Variants in CAMTA2 observed in about 807,000 individuals in gnomAD.
The protein encoded by CAMTA2 is calmodulin binding transcription activator 2.
A neutral mutation model predicts 135.7 loss-of-function variants in CAMTA2; 56 were observed. The observed-to-expected ratio is 0.41, with a 90% CI of 0.33 to 0.52. The LOEUF (loss-of-function observed/expected upper bound fraction) is 0.52. Among genes scored for constraint, CAMTA2 ranks in the 20% least tolerant of loss-of-function variants. The pLI, the probability that CAMTA2 is intolerant of heterozygous loss-of-function variation, is 0.16. For synonymous variants in CAMTA2, 591 were observed against 604.6 expected (o/e 0.98, Z 0.33); for missense variants, 1,358 against 1,553.4 (o/e 0.87, Z 2.11).
At chr17:4,984,795 C>T (rs1026756725) in intron 3 of CAMTA2, among the ~76,000 whole-genome samples, 6 of 149,508 alleles carry the variant, frequency 4.0e-5, no homozygotes, top group African/African-American at 1.2e-4. Context: ...CCGAGATGGG[C>T]GGATCACTAG....
Position 4,967,999 on chromosome 17 carries a change from G to C in CAMTA2, c.*757C>G, listed in dbSNP as rs867291045. ...GCAGACAGAGGCCGGAGGCTGGCTG[G>C]TGCAGCGATGTTTAATGGCAATTCG... On this transcript the variant is annotated 3_prime_UTR_variant, in exon 23 of 23. Transcript: ENST00000348066. 13 of 585,874 alleles carry C rather than the reference G, an allele frequency of 2.2e-5. 1 individual carries two copies. Among genetic ancestry groups the C allele is most frequent in the African/African-American group, 5.6e-5 (3 of 53,538 alleles). 36.3% of individuals were successfully genotyped at this position (585,874 alleles called of 1,614,324 possible). A position where few individuals can be genotyped will look rare whatever the true frequency, so the allele number is the denominator to read the frequency against.
chr17:4,987,364 G>C, intron 1 of CAMTA2: 1 of 1,360,912 alleles, frequency 7.3e-7, no homozygotes, highest in Non-Finnish European at 9.4e-7. Context: ...GACAGTGCAG[G>C]TGCCGGGTGC....
In CAMTA2 at chr17:4,972,215, A is replaced by G; in HGVS notation, c.2808+17T>C. On this transcript the variant is annotated intron_variant, in intron 16 of 22. Transcript: ENST00000348066. ...CTCCACTTCTAGCCCCCATAACTCCATCAATATAAGCAGTACCGGGATCAC... is the reference window on the plus strand; with the variant it reads ...CTCCACTTCTAGCCCCCATAACTCCGTCAATATAAGCAGTACCGGGATCAC... The G allele has an allele frequency of 1.2e-6, 2 of 1,601,994 alleles. No homozygotes were observed. The highest frequency in any genetic ancestry group is 8.5e-7 in the Non-Finnish European group (1 of 1,172,014).
At position 4,969,736 on chromosome 17, in the gene CAMTA2, A is replaced by C; in HGVS notation, c.3190-35T>G. The C allele has an allele frequency of 6.2e-7, 1 of 1,611,934 alleles. No individual in the cohort carries two copies. The highest frequency in any genetic ancestry group is 8.5e-7 in the Non-Finnish European group (1 of 1,178,442). ...GAGAAGTCTCACCACCTCATGACCC[A>C]CATAATGGCATATCTGACTTGTCCC... is the stretch of plus-strand genomic sequence containing the variant. On this transcript the variant is annotated intron_variant, in intron 18 of 22. Coordinates refer to ENST00000348066, the MANE Select transcript of CAMTA2 (RefSeq NM_015099.4). The surrounding 1 kb of genome is among the most constrained non-coding windows in gnomAD (Gnocchi z 5.6).
In CAMTA2 at chr17:4,972,394, G is replaced by C; in HGVS notation, c.2646C>G (p.Gly882=). ...CTTCTGGGACACCAGAGGAAAGCTG[G>C]CCTGGGGCCATGTCCTCCATAGTCA... ...SEMTMEDMAP[G]QLSSGVPEAP... Residue 882 remains glycine, a synonymous_variant, in exon 16 of 23, where the codon GGC becomes GGG. Coordinates refer to ENST00000348066, the MANE Select transcript of CAMTA2 (RefSeq NM_015099.4). 1 of 1,614,124 alleles carries C rather than the reference G, an allele frequency of 6.2e-7. No individual in the cohort carries two copies. The highest frequency in any genetic ancestry group is 8.5e-7 in the Non-Finnish European group (1 of 1,179,988).
intron 10 of CAMTA2, 119 bp downstream of exon 10, chr17:4,978,385 G>C: frequency 9.1e-7 from 1 of 1,092,964 alleles, no homozygotes; most frequent in African/African-American, 1.6e-5. Context: ...ACTGGATGAA[G>C]TCCTTGTGCT....
At chr17:4,985,250 CAT>C (rs769746389) in intron 3 of CAMTA2, among the ~76,000 whole-genome samples, 36 of 152,338 alleles carry the variant, frequency 2.4e-4, no homozygotes, top group Non-Finnish European at 4.6e-4. Flanking sequence ...TCATCAATAA[CAT>C]AGGAGCAATA....
Position 4,973,208 on chromosome 17 carries a change from C to T in CAMTA2, c.2247G>A (p.Pro749=), listed in dbSNP as rs149705832. 6,038 of 1,613,782 alleles carry T rather than the reference C, an allele frequency of 3.7e-3. 19 individuals are homozygous for T. The highest frequency in any genetic ancestry group is 4.0e-3 in the Non-Finnish European group (4,735 of 1,179,930). ...GSLDLEQEVD[P]LNVDHFSCTP... is the part of the protein sequence containing the mutation. ...TGCAAGAGAAATGATCCACGTTGAG[C>T]GGGTCAACCTCCTGCTCTAAGTCCA... is the stretch of plus-strand genomic sequence containing the variant. Residue 749 remains proline, a synonymous_variant, in exon 14 of 23, where the codon CCG becomes CCA. Coordinates refer to ENST00000348066, the MANE Select transcript of CAMTA2 (RefSeq NM_015099.4).
chr17:4,982,233 C>T, intron 5 of CAMTA2, 73 bp from the exon 6 acceptor site: 1 of 1,058,618 alleles, frequency 9.4e-7, no homozygotes, highest in Non-Finnish European at 1.5e-6. Context: ...AGTCCCTTTG[C>T]AGGAATCCCA....
Position 4,972,308 on chromosome 17 carries a change from G to C in CAMTA2, c.2732C>G (p.Pro911Arg). The C allele has an allele frequency of 6.8e-6, 11 of 1,613,944 alleles. No homozygotes were observed. Among genetic ancestry groups the C allele is most frequent in the Non-Finnish European group, 9.3e-6 (11 of 1,179,916 alleles). ...ATCATCTGAAGCTGGTGGGAGGGCA[G>C]GAAGGGAGGAGAGGGGCCCCTTGGA... ...TNSKGPLSSL[P>R]ALPPASDDGA... Residue 911 changes from proline (P) to arginine (R), a missense_variant, in exon 16 of 23, where the codon CCT becomes CGT. By Grantham distance (103) the Pro-to-Arg change is moderately radical (BLOSUM62 -2). Transcript: ENST00000348066.
At chr17:4,987,338 C>T (rs1973418553) in intron 1 of CAMTA2, 7 of 1,344,736 alleles carry the variant, frequency 5.2e-6, no homozygotes, top group Non-Finnish European at 6.6e-6. Context: ...AGTCCGCGGG[C>T]ACGCGGTGGG....
chr17:4,986,956 C>G (rs1380940854), intron 1 of CAMTA2: 9 of 1,515,000 alleles, frequency 5.9e-6, no homozygotes, highest in Non-Finnish European at 7.9e-6. Flanking sequence ...TAGCCTACCC[C>G]ATCTACCGCT....
rs1408451434 is a variant in CAMTA2 at position 4,970,485 on chromosome 17, T to G, written c.2860A>C (p.Ile954Leu). The change falls in exon 17 of 23, where the codon ATT becomes CTT. Residue 954 changes from isoleucine to leucine, a missense_variant. Ile to Leu is a conservative substitution (Grantham distance 5). Coordinates refer to ENST00000348066, the MANE Select transcript of CAMTA2 (RefSeq NM_015099.4). ...AGCCCCACGAAGTCCTCTCGTTTAA[T>G]CCGCTCCGGTGTGGCTTCGATGATC... ...KQIIEATPER[I>L]KREDFVGLPE... The G allele has an allele frequency of 6.2e-7, 1 of 1,613,872 alleles. No homozygotes were observed. Among genetic ancestry groups the G allele is most frequent in the East Asian group, 2.2e-5 (1 of 44,890 alleles).
chr17:4,970,344 G>C lies in CAMTA2; in HGVS notation c.3001C>G (p.Pro1001Ala), dbSNP rs373840541. The C allele has an allele frequency of 1.2e-5, 20 of 1,614,062 alleles. No individual in the cohort carries two copies. The highest frequency in any genetic ancestry group is 1.7e-5 in the Non-Finnish European group (20 of 1,180,008). ...GCTTTGTCCTGAGCTAGTCACCTGG[G>C]AGGGGTTGAGCTGGGGAAATGGTCC... ...NVDHFPSSTPPSELPFERGRL... is the reference protein window; with the variant it reads ...NVDHFPSSTPASELPFERGRL... The change falls in exon 17 of 23, where the codon CCC (proline) becomes GCC (alanine). Residue 1001 changes from proline (P) to alanine (A), a missense_variant. Transcript: ENST00000348066.
At position 4,985,647 on chromosome 17, in the gene CAMTA2, C is replaced by T. The variant is rs573025745; in HGVS notation, c.135+233G>A. ...CCATGTTTGCCAGGCTGGTCTTGAA[C>T]TCCTGACCTCAGATGATCCACCCGC... On this transcript the variant is annotated intron_variant, in intron 3 of 22. Transcript: ENST00000348066. Among the ~76,000 whole-genome samples, 5 of 152,290 alleles carry T rather than the reference C, an allele frequency of 3.3e-5. No homozygotes were observed. The South Asian group carries it at 8.3e-4, about 25-fold the overall frequency.
Position 4,968,643 on chromosome 17 carries a change from A to C in CAMTA2, c.*113T>G. Reference sequence around the variant, plus strand: ...AGGGAGGAGGCCTACAGAGGGCTCCAACAAAGGTGAACAGGAAAGCTGCCG... The same window carrying C: ...AGGGAGGAGGCCTACAGAGGGCTCCCACAAAGGTGAACAGGAAAGCTGCCG... On this transcript the variant is annotated 3_prime_UTR_variant, in exon 23 of 23. Transcript: ENST00000348066. The C allele has an allele frequency of 8.0e-7, 1 of 1,243,704 alleles. No individual in the cohort carries two copies. 77.0% of individuals were successfully genotyped at this position (1,243,704 alleles called of 1,614,324 possible).
At position 4,969,359 on chromosome 17, in the gene CAMTA2, A is replaced by T; in HGVS notation, c.3283-22T>A. 6.2e-7 allele frequency: 1 copy of T among 1,612,902 alleles called. No individual in the cohort carries two copies. Among genetic ancestry groups the T allele is most frequent in the Non-Finnish European group, 8.5e-7 (1 of 1,179,054 alleles). On this transcript the variant is annotated intron_variant, in intron 20 of 22. Transcript: ENST00000348066. This position sits in a 1 kb window ranked among gnomAD's most constrained non-coding sequence, Gnocchi z 5.6. ...CAAACTGCAGGGGTGGGGAGGAGGG[A>T]CAGGGGCTGAAATAGAGGGACGGAG...
Position 4,969,380 on chromosome 17 carries a change from C to T in CAMTA2, c.3283-43G>A, listed in dbSNP as rs1217162826. 4 of 1,610,490 alleles carry T rather than the reference C, an allele frequency of 2.5e-6. No homozygotes were observed. The highest frequency in any genetic ancestry group is 2.5e-6 in the Non-Finnish European group (3 of 1,176,790). On this transcript the variant is annotated intron_variant, in intron 20 of 22. Transcript: ENST00000348066. The surrounding 1 kb of genome is among the most constrained non-coding windows in gnomAD (Gnocchi z 5.6). ...AGGGACAGGGGCTGAAATAGAGGGA[C>T]GGAGACCCAAAGCCCTGAGGCTCAC...
At chr17:4,986,381 G>A in intron 1 of CAMTA2, 95 bp from the exon 2 acceptor site, 1 of 614,900 alleles carries the variant, frequency 1.6e-6, no homozygotes, top group Non-Finnish European at 2.9e-6. Flanking sequence ...CTGGGTCATA[G>A]TATCTGGGAA....
Sources: gnomAD v4.1 joint callset for allele counts (sites outside exome capture counted in the v4.1 genomes callset) on GRCh38, gnomAD v4.1.1 for gene constraint, Gnocchi (gnomAD v3.1) non-coding constraint, MANE v1.5 for transcripts, NCBI Gene and HGNC (gene_info 2026-07-23, HGNC 2026-07-21) for gene names.